The following IBSP variants were observed in gnomAD, a reference collection of about 807,000 sequenced individuals.
IBSP encodes integrin binding sialoprotein, also known as integrin-binding sialoprotein.
A neutral mutation model predicts 25.5 loss-of-function variants in IBSP; 19 were observed. That is an observed-to-expected ratio of 0.74 (90% CI 0.52 to 1.09). The LOEUF (loss-of-function observed/expected upper bound fraction) is 1.09, where lower values mean the gene tolerates loss of function less well. Ranked by LOEUF, IBSP falls within the 50% of genes least tolerant of loss-of-function variation. The probability of loss-of-function intolerance (pLI) is 0.00; values close to 1 mark genes in which losing one functional copy is unlikely to be tolerated. For synonymous variants in IBSP, 144 were observed against 137.6 expected, an observed-to-expected ratio of 1.05 and a Z score of -0.33; for missense variants, 360 against 382.3, an observed-to-expected ratio of 0.94 and a Z score of 0.49.
At chr4:87,810,303 G>A (rs1395618620) in intron 5 of IBSP, among the ~76,000 whole-genome samples, 3 of 152,072 alleles carry the variant, frequency 2.0e-5, no homozygotes, top group Non-Finnish European at 2.9e-5. Flanking sequence ...TTTCTTCTTT[G>A]TGCAGAAAAA....
intron 4 of IBSP, among the ~76,000 whole-genome samples, chr4:87,803,410 A>G (rs540686443): frequency 6.6e-6 from 1 of 152,274 alleles, no homozygotes; most frequent in South Asian, 2.1e-4. Flanking sequence ...AAAAAAAAAT[A>G]AGAGTTTCCA....
At chr4:87,802,617 A>G (rs569876104) in intron 3 of IBSP, 37 bp from the exon 4 acceptor site, 1 of 1,568,636 alleles carries the variant, frequency 6.4e-7, no homozygotes, top group East Asian at 2.3e-5. Flanking sequence ...TTTATTGCAT[A>G]TTAAACATGA....
At chr4:87,802,438 C>G (rs753622906) in intron 2 of IBSP, 23 bp downstream of exon 2, 1 of 1,599,026 alleles carries the variant, frequency 6.3e-7, no homozygotes, top group South Asian at 1.1e-5. Context: ...TCAAAACCCA[C>G]AGTTATTTTC....
At chr4:87,800,791 C>CAATACA (rs1267512731) in intron 1 of IBSP, among the ~76,000 whole-genome samples, 1 of 152,142 alleles carries the variant, frequency 6.6e-6, no homozygotes, top group African/African-American at 2.4e-5. Context: ...GATGATGACA[C>CAATACA]AATACACAAT....
chr4:87,806,076 A>T, intron 4 of IBSP, 46 bp from the exon 5 acceptor site: 1 of 1,395,650 alleles, frequency 7.2e-7, no homozygotes, highest in Non-Finnish European at 1.0e-6. Context: ...TGTTGAATAT[A>T]TTTGTACACA....
intron 4 of IBSP, 105 bp from the exon 5 acceptor site, chr4:87,806,017 T>A: frequency 1.2e-6 from 1 of 849,796 alleles, no homozygotes; most frequent in East Asian, 2.7e-5. Flanking sequence ...ATTGAGTAAA[T>A]ATTTGTGTGT....
In IBSP at chr4:87,811,259, A is replaced by C. The variant is rs1722166093; in HGVS notation, c.406-103A>C. 7 of 1,300,220 alleles carry C rather than the reference A, an allele frequency of 5.4e-6. No individual in the cohort carries two copies. The East Asian group carries it at 1.7e-4, about 31-fold the overall frequency. 80.5% of individuals were successfully genotyped at this position (1,300,220 alleles called of 1,614,324 possible). ...TTAAAGTGGCCTTAATTCAAATAAG[A>C]CGCCTAGAATAAGGCTGTCAGTATT... On this transcript the variant is annotated intron_variant, in intron 6 of 6. Coordinates refer to ENST00000226284, the MANE Select transcript of IBSP (RefSeq NM_004967.4).
At chr4:87,803,311 G>A (rs1034677692) in intron 4 of IBSP, among the ~76,000 whole-genome samples, 1 of 151,686 alleles carries the variant, frequency 6.6e-6, no homozygotes, top group Admixed American at 6.6e-5. Context: ...AACTGCAGAG[G>A]AAAAAGAGAA....
At chr4:87,810,461 G>C in intron 5 of IBSP, 145 bp from the exon 6 acceptor site, 2 of 633,436 alleles carry the variant, frequency 3.2e-6, no homozygotes, top group South Asian at 2.0e-5. Context: ...TGGCATAGGG[G>C]AAGGCAGGCT....
chr4:87,808,191 T>A (rs566544439), intron 5 of IBSP, among the ~76,000 whole-genome samples: 6 of 152,142 alleles, frequency 3.9e-5, no homozygotes, highest in African/African-American at 1.4e-4. Flanking sequence ...AAACTTTTTT[T>A]TTTTTTTTGA....
intron 1 of IBSP, among the ~76,000 whole-genome samples, chr4:87,802,130 G>T (rs896584606): frequency 2.0e-5 from 3 of 152,084 alleles, no homozygotes; most frequent in Non-Finnish European, 4.4e-5. Flanking sequence ...ACCAAGTATG[G>T]AACTCAAGAT....
intron 5 of IBSP, among the ~76,000 whole-genome samples, chr4:87,807,171 T>C (rs1012095527): frequency 2.6e-5 from 4 of 152,202 alleles, no homozygotes; most frequent in Non-Finnish European, 5.9e-5. Flanking sequence ...TTATAACTGA[T>C]ACTCTTGCCT....
intron 3 of IBSP, 23 bp downstream of exon 3, chr4:87,802,581 C>G: frequency 1.9e-6 from 3 of 1,592,090 alleles, no homozygotes; most frequent in Non-Finnish European, 2.6e-6. Flanking sequence ...AGCATACTTC[C>G]TTGGCCTGAT....
chr4:87,810,817 G>T (rs1009057677), intron 6 of IBSP, 53 bp downstream of exon 6: 8 of 1,523,646 alleles, frequency 5.3e-6, no homozygotes, highest in Non-Finnish European at 6.3e-6. Context: ...AATAATAATG[G>T]TAATGTTCAA....
chr4:87,805,981 T>C lies in IBSP; in HGVS notation c.184-141T>C. Reference sequence around the variant, plus strand: ...ATGCAATCTGTTCTTAGTAAACAAGTCAGTCAAGATGGTAATACTAATTAG... The same window carrying C: ...ATGCAATCTGTTCTTAGTAAACAAGCCAGTCAAGATGGTAATACTAATTAG... On this transcript the variant is annotated intron_variant, in intron 4 of 6. Coordinates refer to ENST00000226284, the MANE Select transcript of IBSP (RefSeq NM_004967.4). 3 of 661,336 alleles carry C rather than the reference T, an allele frequency of 4.5e-6. 1 individual carries two copies. 41.0% of individuals were successfully genotyped at this position (661,336 alleles called of 1,614,324 possible).
At chr4:87,803,674 A>G (rs986755128) in intron 4 of IBSP, among the ~76,000 whole-genome samples, 11 of 152,152 alleles carry the variant, frequency 7.2e-5, no homozygotes, top group African/African-American at 2.7e-4. Flanking sequence ...AACCCCTACA[A>G]TGATAGGAAA....
At chr4:87,807,219 A>G (rs1354174529) in intron 5 of IBSP, among the ~76,000 whole-genome samples, 1 of 152,204 alleles carries the variant, frequency 6.6e-6, no homozygotes, top group Non-Finnish European at 1.5e-5. Flanking sequence ...TTTCCCGCAT[A>G]GTCAATTATA....
chr4:87,811,894 A>G lies in IBSP; in HGVS notation c.938A>G (p.Tyr313Cys). The change falls in exon 7 of 7, where the codon TAC (tyrosine) becomes TGC (cysteine). Residue 313 changes from tyrosine (Y) to cysteine (C), a missense_variant. Tyr to Cys is a radical substitution (Grantham distance 194). Coordinates refer to ENST00000226284, the MANE Select transcript of IBSP (RefSeq NM_004967.4). ...QGYDGYDGQN[Y>C]YHHQ ...TACGATGGCTATGATGGTCAGAATT[A>G]CTACCACCACCAGTGAAGCTCCAGC... 6.6e-7 allele frequency: 1 copy of G among 1,524,886 alleles called. No individual in the cohort carries two copies. Among genetic ancestry groups the G allele is most frequent in the East Asian group, 2.3e-5 (1 of 43,844 alleles). The allele number at this position is 1,524,886 out of a possible 1,614,324, so 94.5% of individuals were successfully genotyped here.
intron 1 of IBSP, 115 bp from the exon 2 acceptor site, chr4:87,802,233 A>T: frequency 1.6e-6 from 1 of 626,758 alleles, no homozygotes; most frequent in Non-Finnish European, 2.8e-6. Context: ...AATTAGTCAA[A>T]GTGATAATTA....
Sources: gnomAD v4.1 joint callset for allele counts (sites outside exome capture counted in the v4.1 genomes callset) on GRCh38, gnomAD v4.1.1 for gene constraint, MANE v1.5 for transcripts, NCBI Gene and HGNC (gene_info 2026-07-23, HGNC 2026-07-21) for gene names.